The following SLIT3 variants were observed in gnomAD, a reference collection of about 807,000 sequenced individuals.
The protein encoded by SLIT3 is slit homolog 3 protein.
A neutral mutation model predicts 184.0 loss-of-function variants in SLIT3; 68 were observed. That is an observed-to-expected ratio of 0.37 (90% confidence interval 0.30 to 0.45). SLIT3 has a LOEUF of 0.45. Ranked by LOEUF, SLIT3 falls within the 20% of genes least tolerant of loss-of-function variation. The pLI is 1.00. For missense variants in SLIT3, 1,707 were observed against 2,026.0 expected (o/e 0.84, Z 3.02); for synonymous variants, 831 against 828.6 (o/e 1.00, Z -0.05).
intron 8 of SLIT3, among the ~76,000 whole-genome samples, chr5:168,811,346 C>G (rs189385404): frequency 6.6e-6 from 1 of 152,110 alleles, no homozygotes; most frequent in Admixed American, 6.5e-5. Context: ...TTCTTTTTTT[C>G]CCCCTTAGCA....
At chr5:168,853,076 C>A (rs1406188607) in intron 5 of SLIT3, among the ~76,000 whole-genome samples, 1 of 152,134 alleles carries the variant, frequency 6.6e-6, no homozygotes, top group Non-Finnish European at 1.5e-5. Flanking sequence ...GTGATTTGAA[C>A]CTATCTCTTT....
chr5:168,677,058 G>C (rs891867634), intron 32 of SLIT3, among the ~76,000 whole-genome samples: 2 of 152,138 alleles, frequency 1.3e-5, no homozygotes, highest in African/African-American at 2.4e-5. Context: ...CAGTGCCCCA[G>C]TGCTGGGCTT....
intron 4 of SLIT3, among the ~76,000 whole-genome samples, chr5:169,136,161 G>C (rs1423746745): frequency 6.6e-6 from 1 of 152,160 alleles, no homozygotes; most frequent in Non-Finnish European, 1.5e-5. Context: ...TGAGGGGAGG[G>C]GGACAATCGC....
At chr5:168,718,277 C>A in intron 23 of SLIT3, 1 of 152,092 alleles carries the variant, frequency 6.6e-6, no homozygotes, top group Non-Finnish European at 1.5e-5. Context: ...ATTGGTAGAG[C>A]AGTGATGAAC....
intron 3 of SLIT3, among the ~76,000 whole-genome samples, chr5:169,242,215 C>G (rs1765426896): frequency 6.6e-6 from 1 of 152,212 alleles, no homozygotes; most frequent in South Asian, 2.1e-4. Flanking sequence ...TCCCTTCTTG[C>G]TAACACTGAA....
chr5:168,998,477 G>A (rs1362944574), intron 4 of SLIT3, among the ~76,000 whole-genome samples: 3 of 152,120 alleles, frequency 2.0e-5, no homozygotes, highest in Non-Finnish European at 2.9e-5. Context: ...AGGCTGAGGC[G>A]GGCAGATCAG....
At position 168,666,937 on chromosome 5, in the gene SLIT3, G is replaced by C. The variant is rs918706482; in HGVS notation, c.4337-248C>G. ...TATAATGATGACAAAAGCAGGCTTG[G>C]TCCCTTCCTTCAAGAAACCTAAAGT... On this transcript the variant is annotated intron_variant, in intron 35 of 35. Transcript: ENST00000519560. The C allele has an allele frequency of 1.3e-5, 8 of 632,170 alleles. No individual in the cohort carries two copies. The South Asian group carries it at 1.4e-4, about 11-fold the overall frequency. 39.2% of individuals were successfully genotyped at this position (632,170 alleles called of 1,614,324 possible). A position where few individuals can be genotyped will look rare whatever the true frequency, so the allele number is the denominator to read the frequency against.
chr5:168,725,051 T>C (rs1238062144), intron 20 of SLIT3, among the ~76,000 whole-genome samples: 2 of 152,184 alleles, frequency 1.3e-5, no homozygotes, highest in African/African-American at 4.8e-5. Context: ...CTATCTCTGA[T>C]GTACATTTGG....
intron 5 of SLIT3, among the ~76,000 whole-genome samples, chr5:168,871,288 C>T (rs1759509990): frequency 6.6e-6 from 1 of 152,164 alleles, no homozygotes; most frequent in Non-Finnish European, 1.5e-5. Flanking sequence ...AACCTGAATT[C>T]TTGATTTGTA....
chr5:168,960,473 G>A (rs546567943), intron 4 of SLIT3, among the ~76,000 whole-genome samples: 23 of 152,336 alleles, frequency 1.5e-4, no homozygotes, highest in African/African-American at 5.3e-4. Context: ...TACATGCAGA[G>A]GAAGCTCAGG....
At chr5:169,194,237 A>C (rs1763667630) in intron 3 of SLIT3, among the ~76,000 whole-genome samples, 2 of 23,680 alleles carry the variant, frequency 8.4e-5, no homozygotes, top group African/African-American at 1.6e-4. Flanking sequence ...CTGTCTCAAA[A>C]AAAAAAAAAA....
chr5:169,129,447 G>A (rs1761207092), intron 4 of SLIT3, among the ~76,000 whole-genome samples: 1 of 152,080 alleles, frequency 6.6e-6, no homozygotes, highest in African/African-American at 2.4e-5. Context: ...AGCCACTCAG[G>A]AGGCTGAGGC....
chr5:169,137,354 A>C (rs1022041281), intron 4 of SLIT3, among the ~76,000 whole-genome samples: 3 of 151,674 alleles, frequency 2.0e-5, no homozygotes, highest in African/African-American at 7.3e-5. Flanking sequence ...AGAGAGAGAG[A>C]GAAACAGTTT....
At chr5:168,893,072 C>G (rs1727872426) in intron 4 of SLIT3, among the ~76,000 whole-genome samples, 1 of 152,196 alleles carries the variant, frequency 6.6e-6, no homozygotes, top group South Asian at 2.1e-4. Context: ...ATTTTGGTGT[C>G]TTCACATTGT....
chr5:168,797,727 C>A (rs1756616729), intron 9 of SLIT3, among the ~76,000 whole-genome samples: 1 of 152,152 alleles, frequency 6.6e-6, no homozygotes, highest in African/African-American at 2.4e-5. Context: ...TTGACTATGT[C>A]TATTATCTCT....
chr5:168,979,845 T>C (rs1354537000), intron 4 of SLIT3, among the ~76,000 whole-genome samples: 4 of 152,216 alleles, frequency 2.6e-5, no homozygotes, highest in Non-Finnish European at 4.4e-5. Flanking sequence ...TTCTCTATTT[T>C]AACCTTCGTA....
chr5:168,715,916 C>A (rs1762711392), intron 23 of SLIT3, among the ~76,000 whole-genome samples: 1 of 152,064 alleles, frequency 6.6e-6, no homozygotes, highest in African/African-American at 2.4e-5. Context: ...AGGTGATCGA[C>A]CTGCCTTGGC....
At chr5:169,203,924 C>T (rs11745049) in intron 3 of SLIT3, among the ~76,000 whole-genome samples, 22,821 of 151,940 alleles carry the variant, frequency 0.15, 2,079 homozygotes, top group East Asian at 0.45. Flanking sequence ...ACAAATATTC[C>T]CAATTATAGA....
intron 4 of SLIT3, among the ~76,000 whole-genome samples, chr5:169,164,808 C>T (rs75319102): frequency 0.019 from 2,867 of 152,360 alleles, 106 homozygotes; most frequent in African/African-American, 0.066. Flanking sequence ...ACAACACGCC[C>T]TGTTCCCAGG....
Sources: allele counts gnomAD v4.1 joint callset (sites outside exome capture counted in the v4.1 genomes callset), GRCh38; gene constraint gnomAD v4.1.1; transcripts MANE v1.5; gene names NCBI Gene and HGNC (gene_info 2026-07-23, HGNC 2026-07-21).